RBAK: variants seen among roughly 807,000 people sequenced by gnomAD.
RBAK encodes RB associated KRAB zinc finger, also known as RB-associated KRAB zinc finger protein.
In RBAK, 39 loss-of-function variants were observed where a neutral mutation model predicts 65.8. That is an observed-to-expected ratio of 0.59 (90% CI 0.46 to 0.77). The LOEUF is 0.77. Ranked by LOEUF, RBAK falls within the 30% of genes least tolerant of loss-of-function variation. RBAK has a pLI of 0.00. For synonymous variants in RBAK, 343 were observed against 289.7 expected (o/e 1.18, Z -1.87); for missense variants, 884 against 855.1 (o/e 1.03, Z -0.42).
chr7:5,058,830 T>C (rs535061325), intron 4 of RBAK, among the ~76,000 whole-genome samples: 2 of 152,362 alleles, frequency 1.3e-5, no homozygotes, highest in East Asian at 1.9e-4. Context: ...TTTTTGGTTT[T>C]CTTTGTATCC....
At chr7:5,054,379 T>A (rs1317252670) in intron 2 of RBAK, among the ~76,000 whole-genome samples, 3 of 144,772 alleles carry the variant, frequency 2.1e-5, no homozygotes, top group African/African-American at 7.7e-5. Flanking sequence ...CACTCCAGCC[T>A]AGAAGACAAG....
At position 5,064,220 on chromosome 7, in the gene RBAK, A is replaced by C; in HGVS notation, c.764A>C (p.Gln255Pro). ...AATTTTAATGCATATCAGAGATCAC[A>C]AATGGAAATGAAGCCCTTTGAATGC... ...MSNFNAYQRSQMEMKPFECSE... is the reference protein window; with the variant it reads ...MSNFNAYQRSPMEMKPFECSE... Residue 255 changes from glutamine to proline, a missense_variant, in exon 5 of 5, where the codon CAA becomes CCA. Coordinates refer to ENST00000396912, the MANE Select transcript of RBAK (RefSeq NM_021163.4). The surrounding 1 kb of genome is among the most constrained non-coding windows in gnomAD (Gnocchi z 6.3). 6.2e-7 allele frequency: 1 copy of C among 1,614,072 alleles called. No individual in the cohort carries two copies. Among genetic ancestry groups the C allele is most frequent in the Non-Finnish European group, 8.5e-7 (1 of 1,179,990 alleles).
rs781186316 is a variant in RBAK at position 5,065,002 on chromosome 7, T to C, written c.1546T>C (p.Cys516Arg). The C allele has an allele frequency of 1.2e-6, 2 of 1,614,072 alleles. No homozygotes were observed. ...AGAGAAACCCTATGAATGTAATGAA[T>C]GTGGGAAAACCTTCCTTGTAAATTC... ...LEEKPYECNE[C>R]GKTFLVNSAF... Residue 516 changes from cysteine to arginine, a missense_variant, in exon 5 of 5, where the codon TGT (cysteine) becomes CGT (arginine). Cys to Arg is a radical substitution (Grantham distance 180). Transcript: ENST00000396912. This position sits in a 1 kb window ranked among gnomAD's most constrained non-coding sequence, Gnocchi z 5.3.
In RBAK at chr7:5,057,674, C is replaced by A. The variant is rs529329283; in HGVS notation, c.143-10C>A. 2 of 1,613,618 alleles carry A rather than the reference C, an allele frequency of 1.2e-6. No individual in the cohort carries two copies. Among genetic ancestry groups the A allele is most frequent in the East Asian group, 2.2e-5 (1 of 44,870 alleles). On this transcript the variant is annotated splice_polypyrimidine_tract_variant and intron_variant, in intron 3 of 4. Transcript: ENST00000396912. ...GCTTCCCCAAGTCCTCCTTCTTTTC[C>A]CATTAACAGGATATGATACCACCAA...
chr7:5,057,777 C>A lies in RBAK; in HGVS notation c.236C>A (p.Pro79Gln). 1 of 1,613,806 alleles carries A rather than the reference C, an allele frequency of 6.2e-7. No homozygotes were observed. The change falls in exon 4 of 5, where the codon CCA becomes CAA. Residue 79 changes from proline to glutamine, a missense_variant and splice_region_variant. Pro to Gln is a moderately conservative substitution (Grantham distance 76). Transcript: ENST00000396912. The stretch of plus-strand genomic sequence containing the variant: ...GGTGAATTTCCATGTCAACATAGTC[C>A]AGGTAAGTTAGTAGCGTATCAAAGG... ...MGGEFPCQHS[P>Q]EAWRVDDLIE...
rs35352738 is a variant in RBAK at position 5,064,142 on chromosome 7, G to C, written c.686G>C (p.Gly229Ala). The change falls in exon 5 of 5, where the codon GGG (glycine) becomes GCG (alanine). Residue 229 changes from glycine to alanine, a missense_variant. Transcript: ENST00000396912. The surrounding 1 kb of genome is among the most constrained non-coding windows in gnomAD (Gnocchi z 6.3). ...ATTGCTCATAAGAGAGCTTACATAG[G>C]GGAGAAGCCCTATGAGTGGAATGAT... The part of the protein sequence containing the change: ...VFIAHKRAYI[G>A]EKPYEWNDSG... The C allele has an allele frequency of 1.9e-6, 3 of 1,613,884 alleles. No individual in the cohort carries two copies. The African/African-American group carries it at 4.0e-5, about 22-fold the overall frequency.
chr7:5,052,133 G>C (rs1376961828), intron 2 of RBAK, among the ~76,000 whole-genome samples: 1 of 152,124 alleles, frequency 6.6e-6, no homozygotes, highest in Non-Finnish European at 1.5e-5. Flanking sequence ...CCTTATCCCT[G>C]CTAGTATTCC....
chr7:5,063,685 TCC>T lies in RBAK; in HGVS notation c.239-9_239-8del. On this transcript the variant is annotated splice_region_variant and splice_polypyrimidine_tract_variant and intron_variant, in intron 4 of 4. Transcript: ENST00000396912. ...ATTTACAAAGTTTGTTTACTATTTTTCCTTTTTAGAAGCCTGGAGAGTTGATG... is the reference window on the plus strand; with the variant it reads ...ATTTACAAAGTTTGTTTACTATTTTTTTTTTAGAAGCCTGGAGAGTTGATG... 1 of 1,566,058 alleles carries T rather than the reference TCC, an allele frequency of 6.4e-7. No homozygotes were observed. Among genetic ancestry groups the T allele is most frequent in the Non-Finnish European group, 8.6e-7 (1 of 1,159,900 alleles).
At chr7:5,055,932 C>T (rs546766172) in intron 2 of RBAK, among the ~76,000 whole-genome samples, 1 of 151,988 alleles carries the variant, frequency 6.6e-6, no homozygotes, top group African/African-American at 2.4e-5. Flanking sequence ...TGGATTTGAA[C>T]CCCTTGTTGA....
rs1456489524 is a variant in RBAK, at chr7:5,064,585, G to A, written c.1129G>A (p.Glu377Lys). Residue 377 changes from glutamate to lysine, a missense_variant, in exon 5 of 5, where the codon GAA becomes AAA. By Grantham distance (56) the Glu-to-Lys change is moderately conservative (BLOSUM62 1). Transcript: ENST00000396912. This position sits in a 1 kb window ranked among gnomAD's most constrained non-coding sequence, Gnocchi z 6.3. ...AGGAGAGAGGCCCTATCCATGTAAC[G>A]AATGTGGGAAATCCTTCTCCCGCAA... ...HSGERPYPCN[E>K]CGKSFSRKSA... 1.4e-5 allele frequency: 22 copies of A among 1,613,970 alleles called. No homozygotes were observed. The highest frequency in any genetic ancestry group is 1.6e-4 in the Middle Eastern group (1 of 6,084).
Position 5,054,044 on chromosome 7 carries a change from A to C in RBAK, c.16-3251A>C, listed in dbSNP as rs567720209. 2.6e-5 allele frequency among the ~76,000 whole-genome samples: 4 copies of C among 152,226 alleles called. No individual in the cohort carries two copies. The South Asian group carries it at 8.3e-4, about 32-fold the overall frequency. On this transcript the variant is annotated intron_variant, in intron 2 of 4. Transcript: ENST00000396912. ...CTGGAAACACTCAAGGCAGAAGTTG[A>C]TTGGTTCACCTTGTTTATTTCCCAT...
chr7:5,053,902 G>A (rs1005070271), intron 2 of RBAK, among the ~76,000 whole-genome samples: 9 of 152,094 alleles, frequency 5.9e-5, no homozygotes, highest in African/African-American at 2.2e-4. Context: ...TCAATTCTGG[G>A]CCAGTTTTGA....
chr7:5,046,170 C>A lies in RBAK; in HGVS notation c.-271C>A. Reference sequence around the variant, plus strand: ...CCTGGCCCGTGTGTGTCCTGGCGGCCTGGCCCAGGCTGCCGCTGTACGGTG... The same window carrying A: ...CCTGGCCCGTGTGTGTCCTGGCGGCATGGCCCAGGCTGCCGCTGTACGGTG... On this transcript the variant is annotated 5_prime_UTR_variant, in exon 1 of 5. It adds an upstream start codon to the 5' untranslated region. Transcript: ENST00000396912. 2.3e-6 allele frequency: 1 copy of A among 435,996 alleles called. No homozygotes were observed. The highest frequency in any genetic ancestry group is 1.6e-5 in the South Asian group (1 of 60,858). 27.0% of individuals were successfully genotyped at this position (435,996 alleles called of 1,614,324 possible). A position where few individuals can be genotyped will look rare whatever the true frequency, so the allele number is the denominator to read the frequency against.
rs1162164154 is a variant in RBAK at position 5,067,007 on chromosome 7, G to A, written c.*1406G>A. Reference sequence around the variant, plus strand: ...AGAACATTCTTGTGGTACAATTAATGTTCGTTTATGATCTTAGCAAATGAT... The same window carrying A: ...AGAACATTCTTGTGGTACAATTAATATTCGTTTATGATCTTAGCAAATGAT... On this transcript the variant is annotated 3_prime_UTR_variant, in exon 5 of 5. Transcript: ENST00000396912. 1 of 152,128 alleles carries A rather than the reference G, an allele frequency of 6.6e-6. No individual in the cohort carries two copies. Among genetic ancestry groups the A allele is most frequent in the Non-Finnish European group, 1.5e-5 (1 of 67,984 alleles). 9.4% of individuals were successfully genotyped at this position (152,128 alleles called of 1,614,324 possible).
chr7:5,050,692 A>C (rs1788097265), intron 2 of RBAK, among the ~76,000 whole-genome samples: 1 of 152,154 alleles, frequency 6.6e-6, no homozygotes, highest in Non-Finnish European at 1.5e-5. Flanking sequence ...CTCCCACTTC[A>C]GCCTCCCAAG....
Position 5,064,823 on chromosome 7 carries a change from C to G in RBAK, c.1367C>G (p.Pro456Arg). The G allele has an allele frequency of 1.2e-6, 2 of 1,614,000 alleles. No homozygotes were observed. The highest frequency in any genetic ancestry group is 1.7e-6 in the Non-Finnish European group (2 of 1,179,938). Residue 456 changes from proline (P) to arginine (R), a missense_variant, in exon 5 of 5, where the codon CCC (proline) becomes CGC (arginine). By Grantham distance (103) the Pro-to-Arg change is moderately radical. Transcript: ENST00000396912. This position sits in a 1 kb window ranked among gnomAD's most constrained non-coding sequence, Gnocchi z 6.3. ...TATAGAAGTCATTTAGAAGAGAAAC[C>G]CTATGAATGTAATGAATGTGGCAAA... is the stretch of plus-strand genomic sequence containing the variant. ...IHYRSHLEEK[P>R]YECNECGKTF...
In RBAK at chr7:5,065,432, T is replaced by G; in HGVS notation, c.1976T>G (p.Val659Gly). Residue 659 changes from valine (V) to glycine (G), a missense_variant, in exon 5 of 5, where the codon GTC becomes GGC. Coordinates refer to ENST00000396912, the MANE Select transcript of RBAK (RefSeq NM_021163.4). The surrounding 1 kb of genome is among the most constrained non-coding windows in gnomAD (Gnocchi z 5.3). ...TATGAATGTAATGAATGTGGGAAAG[T>G]CTTTTCTCAGAAGTCATACCTCACT... ...KPYECNECGKVFSQKSYLTVH... is the reference protein window; with the variant it reads ...KPYECNECGKGFSQKSYLTVH... 1.9e-6 allele frequency: 3 copies of G among 1,613,826 alleles called. No individual in the cohort carries two copies. Among genetic ancestry groups the G allele is most frequent in the Non-Finnish European group, 2.5e-6 (3 of 1,179,840 alleles).
At chr7:5,059,768 A>G (rs1779023177) in intron 4 of RBAK, among the ~76,000 whole-genome samples, 1 of 152,210 alleles carries the variant, frequency 6.6e-6, no homozygotes, top group African/African-American at 2.4e-5. Flanking sequence ...TATATGCTCT[A>G]AGATCATATT....
At chr7:5,049,369 T>C (rs192375759) in intron 2 of RBAK, among the ~76,000 whole-genome samples, 1 of 152,350 alleles carries the variant, frequency 6.6e-6, no homozygotes, top group African/African-American at 2.4e-5. Context: ...ATGATCATCC[T>C]TCAAATATTT....
Sources: allele counts gnomAD v4.1 joint callset (sites outside exome capture counted in the v4.1 genomes callset), GRCh38; gene constraint gnomAD v4.1.1; non-coding constraint Gnocchi (gnomAD v3.1); transcripts MANE v1.5; gene names NCBI Gene and HGNC (gene_info 2026-07-23, HGNC 2026-07-21).